The following MUSK variants were observed in gnomAD, a reference collection of about 807,000 sequenced individuals.
MUSK encodes the protein muscle, skeletal receptor tyrosine-protein kinase.
In MUSK, 55 loss-of-function variants were observed where a neutral mutation model predicts 88.7. That is an observed-to-expected ratio of 0.62 (90% confidence interval 0.50 to 0.78). The LOEUF is 0.78. Ranked by LOEUF, MUSK falls within the 30% of genes least tolerant of loss-of-function variation. The pLI is 0.00. For synonymous variants in MUSK, 387 were observed against 391.9 expected (o/e 0.99, Z 0.15); for missense variants, 1,015 against 1,074.3 (o/e 0.94, Z 0.77).
chr9:110,672,435 A>C (rs1248973601), intron 1 of MUSK, among the ~76,000 whole-genome samples: 1 of 152,180 alleles, frequency 6.6e-6, no homozygotes, highest in Non-Finnish European at 1.5e-5. Context: ...TATACCCAGC[A>C]GTGCTATGTG....
chr9:110,694,587 T>A (rs2076407597), intron 3 of MUSK, among the ~76,000 whole-genome samples: 3 of 152,132 alleles, frequency 2.0e-5, no homozygotes, highest in Non-Finnish European at 4.4e-5. Context: ...AAATAAAATG[T>A]GTCCATTGCT....
chr9:110,766,415 T>G (rs889008405), intron 8 of MUSK, among the ~76,000 whole-genome samples: 2 of 152,208 alleles, frequency 1.3e-5, no homozygotes, highest in Non-Finnish European at 2.9e-5. Context: ...ATTCAAGGCC[T>G]TCATTTTAAA....
chr9:110,736,411 G>A (rs933533204), intron 6 of MUSK, among the ~76,000 whole-genome samples: 4 of 152,104 alleles, frequency 2.6e-5, no homozygotes, highest in African/African-American at 9.7e-5. Context: ...AGGAGTTGAA[G>A]GGTGAAGTTA....
intron 8 of MUSK, among the ~76,000 whole-genome samples, chr9:110,765,117 A>T (rs1242461727): frequency 6.6e-6 from 1 of 152,192 alleles, no homozygotes; most frequent in East Asian, 1.9e-4. Flanking sequence ...AATTAAAGGA[A>T]ACATCATGAA....
At chr9:110,716,391 A>G (rs1394704858) in intron 5 of MUSK, among the ~76,000 whole-genome samples, 2 of 150,076 alleles carry the variant, frequency 1.3e-5, no homozygotes, top group African/African-American at 5.0e-5. Flanking sequence ...AAATTCTCAC[A>G]AAGTAATAGA....
intron 5 of MUSK, among the ~76,000 whole-genome samples, chr9:110,716,017 G>T (rs2076738497): frequency 6.7e-6 from 1 of 149,570 alleles, no homozygotes; most frequent in South Asian, 2.1e-4. Flanking sequence ...GTAGCTAACG[G>T]ATGCTAGGCT....
Position 110,805,069 on chromosome 9 carries a change from T to C in MUSK, c.*4081T>C, listed in dbSNP as rs186900228. 6.6e-6 allele frequency among the ~76,000 whole-genome samples: 1 copy of C among 152,098 alleles called. No individual in the cohort carries two copies. The highest frequency in any genetic ancestry group is 6.5e-5 in the Admixed American group (1 of 15,276). ...ATAGTATTATACAGATTTATCGTAA[T>C]TGACATAACTATTCTACTGTTAGAC... On this transcript the variant is annotated 3_prime_UTR_variant, in exon 15 of 15. Coordinates refer to ENST00000374448, the MANE Select transcript of MUSK (RefSeq NM_005592.4).
At chr9:110,712,602 A>AC (rs917067361) in intron 5 of MUSK, among the ~76,000 whole-genome samples, 3 of 152,110 alleles carry the variant, frequency 2.0e-5, no homozygotes, top group Non-Finnish European at 4.4e-5. Context: ...TTTTAACAAC[A>AC]CCCCAAAGGA....
intron 5 of MUSK, among the ~76,000 whole-genome samples, chr9:110,698,667 C>A (rs760859097): frequency 1.6e-4 from 25 of 152,178 alleles, no homozygotes; most frequent in Non-Finnish European, 3.5e-4. Context: ...ACCAATTGCT[C>A]ATAAAATTTT....
At chr9:110,765,147 A>C (rs893368193) in intron 8 of MUSK, among the ~76,000 whole-genome samples, 4 of 152,228 alleles carry the variant, frequency 2.6e-5, no homozygotes, top group Non-Finnish European at 4.4e-5. Context: ...ATTTTTAAAA[A>C]TACTCATGGA....
intron 7 of MUSK, among the ~76,000 whole-genome samples, chr9:110,761,097 G>A (rs935373447): frequency 2.6e-5 from 4 of 152,214 alleles, no homozygotes; most frequent in Non-Finnish European, 5.9e-5. Context: ...TTGGTAAAGA[G>A]TGTGAAGTTT....
intron 5 of MUSK, among the ~76,000 whole-genome samples, chr9:110,705,882 G>A (rs930253322): frequency 6.6e-6 from 1 of 152,144 alleles, no homozygotes; most frequent in Non-Finnish European, 1.5e-5. Context: ...GATGTGACCA[G>A]GGAACATCTT....
At chr9:110,770,170 G>A (rs10980564) in intron 9 of MUSK, among the ~76,000 whole-genome samples, 58,077 of 150,306 alleles carry the variant, frequency 0.39, 12,078 homozygotes, top group Middle Eastern at 0.48. Flanking sequence ...TACGAATTTC[G>A]CAGGTTTTCA....
chr9:110,759,723 C>T (rs533439387), intron 7 of MUSK, among the ~76,000 whole-genome samples: 1 of 152,254 alleles, frequency 6.6e-6, no homozygotes, highest in South Asian at 2.1e-4. Flanking sequence ...TGAAAAAATG[C>T]TCAATATCAC....
chr9:110,773,238 T>C (rs531244971), intron 9 of MUSK, among the ~76,000 whole-genome samples: 1 of 152,082 alleles, frequency 6.6e-6, no homozygotes, highest in Non-Finnish European at 1.5e-5. Flanking sequence ...AAAGGAATGC[T>C]TTAAGGAAGA....
At chr9:110,688,539 G>T (rs2076227532) in intron 3 of MUSK, among the ~76,000 whole-genome samples, 1 of 151,916 alleles carries the variant, frequency 6.6e-6, no homozygotes, top group Non-Finnish European at 1.5e-5. Context: ...TGCCATGGTG[G>T]TATACTGCAC....
At chr9:110,741,305 G>C (rs909590191) in intron 6 of MUSK, among the ~76,000 whole-genome samples, 2 of 151,456 alleles carry the variant, frequency 1.3e-5, no homozygotes, top group African/African-American at 4.9e-5. Context: ...AAAATTAAAA[G>C]TCTAAATTTT....
chr9:110,761,893 G>A, intron 7 of MUSK: 8 of 985,260 alleles, frequency 8.1e-6, no homozygotes, highest in Non-Finnish European at 9.6e-6. Context: ...ATTTCTTAAT[G>A]TAAAGTCCCT....
At chr9:110,713,115 C>A (rs957186068) in intron 5 of MUSK, among the ~76,000 whole-genome samples, 1 of 151,998 alleles carries the variant, frequency 6.6e-6, no homozygotes, top group Non-Finnish European at 1.5e-5. Context: ...CAGCCTGACA[C>A]TGACTCATAA....
Sources: allele counts gnomAD v4.1 joint callset (sites outside exome capture counted in the v4.1 genomes callset), GRCh38; gene constraint gnomAD v4.1.1; transcripts MANE v1.5; gene names NCBI Gene and HGNC (gene_info 2026-07-23, HGNC 2026-07-21).